TENT2: variants seen among roughly 807,000 people sequenced by gnomAD.
The protein encoded by TENT2 is poly(A) RNA polymerase GLD2.
In TENT2, 44 loss-of-function variants were observed where a neutral mutation model predicts 72.2. The ratio of observed to expected loss-of-function variants is 0.61; its 90% CI spans 0.48 to 0.78. The LOEUF is 0.78. TENT2 is among the 30% of genes least tolerant of loss of function. The pLI is 0.00. For missense variants in TENT2, 541 were observed against 569.6 expected (o/e 0.95, Z 0.51); for synonymous variants, 212 against 192.5 (o/e 1.10, Z -0.84).
intron 6 of TENT2, 105 bp downstream of exon 6, chr5:79,641,301 T>A (rs1038021887): frequency 3.1e-5 from 29 of 947,334 alleles, no homozygotes; most frequent in Non-Finnish European, 4.1e-5. Context: ...TGTGATTACT[T>A]CTTTGAATTT....
At chr5:79,623,852 TATAAC>T (rs978045770) in intron 4 of TENT2, among the ~76,000 whole-genome samples, 23 of 152,216 alleles carry the variant, frequency 1.5e-4, no homozygotes, top group African/African-American at 4.8e-4. Context: ...ATATTTGTGT[TATAAC>T]ATGAGGTTTT....
chr5:79,668,594 TTTGTATAGTAA>T, intron 11 of TENT2: 1 of 241,288 alleles, frequency 4.1e-6, no homozygotes, highest in Non-Finnish European at 8.0e-6. Context: ...TAGATCTTGG[TTTGTATAGTAA>T]GGTTTTATTT....
Position 79,612,614 on chromosome 5 carries a change from C to CAGCCGG in TENT2, c.-489_-484dup, listed in dbSNP as rs1756053618. 6.5e-6 allele frequency: 1 copy of CAGCCGG among 153,266 alleles called. No homozygotes were observed. Among genetic ancestry groups the CAGCCGG allele is most frequent in the Non-Finnish European group, 1.5e-5 (1 of 68,600 alleles). The allele number at this position is 153,266 out of a possible 1,614,324, so 9.5% of individuals were successfully genotyped here. A position where few individuals can be genotyped will look rare whatever the true frequency, so the allele number is the denominator to read the frequency against. On this transcript the variant is annotated 5_prime_UTR_variant, in exon 1 of 15. Transcript: ENST00000453514. ...GGCAGCCGTGAGGGGGGTTAGATCTCAGCCGGAGCCGGAGCTGGGCCTAGC... is the reference window on the plus strand; with the variant it reads ...GGCAGCCGTGAGGGGGGTTAGATCTCAGCCGGAGCCGGAGCCGGAGCTGGGCCTAGC...
intron 11 of TENT2, among the ~76,000 whole-genome samples, chr5:79,667,552 A>C (rs1561567359): frequency 6.6e-6 from 1 of 152,130 alleles, no homozygotes; most frequent in Non-Finnish European, 1.5e-5. Flanking sequence ...AATGTAATTA[A>C]TACTACAGCT....
rs1206377253 is a variant in TENT2, at chr5:79,613,015, A to G, written c.-98A>G. ...CTGCCTCGTCCACCACTCCAGGACC[A>G]AAAGAGGAAGATAGTCTTGGGACCC... is the stretch of plus-strand genomic sequence containing the variant. On this transcript the variant is annotated 5_prime_UTR_variant, in exon 1 of 15. Coordinates refer to ENST00000453514, the MANE Select transcript of TENT2 (RefSeq NM_001114394.3). The G allele has an allele frequency of 6.6e-6, 1 of 152,268 alleles. No individual in the cohort carries two copies. The highest frequency in any genetic ancestry group is 1.5e-5 in the Non-Finnish European group (1 of 68,070). The allele number at this position is 152,268 out of a possible 1,614,324, so 9.4% of individuals were successfully genotyped here. A position where few individuals can be genotyped will look rare whatever the true frequency, so the allele number is the denominator to read the frequency against.
intron 12 of TENT2, 34 bp downstream of exon 12, chr5:79,669,062 A>G (rs1045450551): frequency 6.2e-7 from 1 of 1,603,360 alleles, no homozygotes; most frequent in Non-Finnish European, 8.5e-7. Flanking sequence ...TTGTTCACTT[A>G]TATGTGTGTG....
chr5:79,620,222 G>A (rs1453277665), intron 3 of TENT2, 139 bp downstream of exon 3: 1 of 510,378 alleles, frequency 2.0e-6, no homozygotes, highest in Non-Finnish European at 3.4e-6. Context: ...ATGAGTCATG[G>A]AATTTTAACA....
chr5:79,633,930 G>T (rs1001735709), intron 4 of TENT2, among the ~76,000 whole-genome samples: 3 of 145,422 alleles, frequency 2.1e-5, no homozygotes, highest in Non-Finnish European at 4.5e-5. Flanking sequence ...GAGGCGGGCA[G>T]ATCACGAGGT....
chr5:79,664,906 G>A (rs1806149767), intron 11 of TENT2, among the ~76,000 whole-genome samples: 1 of 152,106 alleles, frequency 6.6e-6, no homozygotes, highest in Non-Finnish European at 1.5e-5. Flanking sequence ...GCTAATAGAA[G>A]GGTGATGCTT....
chr5:79,634,104 C>T (rs1210708110), intron 4 of TENT2, among the ~76,000 whole-genome samples: 2 of 147,340 alleles, frequency 1.4e-5, no homozygotes, highest in Non-Finnish European at 3.0e-5. Flanking sequence ...TGCAGTGAGC[C>T]GAATCGTGCC....
chr5:79,673,686 T>G (rs555663414), intron 12 of TENT2, among the ~76,000 whole-genome samples: 3 of 152,322 alleles, frequency 2.0e-5, no homozygotes, highest in Non-Finnish European at 4.4e-5. Flanking sequence ...GCTGGTTTGA[T>G]TGCAGCTTTA....
chr5:79,633,997 C>CAAAAAAAAA (rs562252526), intron 4 of TENT2, among the ~76,000 whole-genome samples: 201 of 67,268 alleles, frequency 3.0e-3, no homozygotes, highest in Non-Finnish European at 5.3e-3. Flanking sequence ...ACTAAAAATA[C>CAAAAAAAAA]AAAAAAAAAA....
intron 8 of TENT2, among the ~76,000 whole-genome samples, chr5:79,646,820 G>GT (rs1789455540): frequency 6.6e-6 from 1 of 150,596 alleles, no homozygotes; most frequent in Admixed American, 6.6e-5. Flanking sequence ...CCAGGCTGGA[G>GT]TGCAGTGGCA....
At chr5:79,625,273 G>T (rs1003214480) in intron 4 of TENT2, among the ~76,000 whole-genome samples, 1 of 152,114 alleles carries the variant, frequency 6.6e-6, no homozygotes, top group Non-Finnish European at 1.5e-5. Context: ...CTGTTGGTTG[G>T]TAAGAGTTCT....
intron 11 of TENT2, among the ~76,000 whole-genome samples, chr5:79,666,048 G>C (rs1013797637): frequency 2.2e-4 from 34 of 151,202 alleles, no homozygotes; most frequent in Admixed American, 1.5e-3. Context: ...GAGTGCAGTG[G>C]CGTGGATTCG....
In TENT2 at chr5:79,656,974, C is replaced by A; in HGVS notation, c.1044C>A (p.Ile348=). Residue 348 remains isoleucine (I), a synonymous_variant, in exon 11 of 15, where the codon ATC becomes ATA. Transcript: ENST00000453514. The stretch of plus-strand genomic sequence containing the variant: ...TTTTTATAGCCCTACCTGAACCCAT[C>A]CTTCCATCCCTCCAAAAAATTTACC... ...LHYLQTLPEP[I]LPSLQKIYPE... 1 of 1,604,912 alleles carries A rather than the reference C, an allele frequency of 6.2e-7. No individual in the cohort carries two copies. The highest frequency in any genetic ancestry group is 8.5e-7 in the Non-Finnish European group (1 of 1,173,364).
intron 13 of TENT2, among the ~76,000 whole-genome samples, chr5:79,681,322 G>T (rs928149183): frequency 6.6e-6 from 1 of 151,558 alleles, no homozygotes; most frequent in Non-Finnish European, 1.5e-5. Flanking sequence ...ACCATGCCCA[G>T]CTAATTTTTG....
chr5:79,640,922 C>T lies in TENT2; in HGVS notation c.537C>T (p.Leu179=). ...QQISDLKKKE[L]CRTQLQREIQ... is the part of the protein sequence containing the mutation. ...TAAGTGATTTAAAGAAGAAAGAACT[C>T]TGTCGAACACAGCTGCAGAGAGAAA... Residue 179 remains leucine, a synonymous_variant, in exon 5 of 15, where the codon CTC becomes CTT. Coordinates refer to ENST00000453514, the MANE Select transcript of TENT2 (RefSeq NM_001114394.3). The T allele has an allele frequency of 1.2e-6, 2 of 1,612,624 alleles. No individual in the cohort carries two copies. Among genetic ancestry groups the T allele is most frequent in the Middle Eastern group, 1.7e-4 (1 of 6,048 alleles).
chr5:79,683,396 C>T (rs1823740032), intron 14 of TENT2, among the ~76,000 whole-genome samples: 1 of 151,966 alleles, frequency 6.6e-6, no homozygotes, highest in Non-Finnish European at 1.5e-5. Context: ...TGTGTCTTAG[C>T]TACTGGGGAG....
Sources: gnomAD v4.1 joint callset for allele counts (sites outside exome capture counted in the v4.1 genomes callset) on GRCh38, gnomAD v4.1.1 for gene constraint, MANE v1.5 for transcripts, NCBI Gene and HGNC (gene_info 2026-07-23, HGNC 2026-07-21) for gene names.